Variants in PAPSS2 observed in about 807,000 individuals in gnomAD.
PAPSS2 encodes the protein bifunctional 3'-phosphoadenosine 5'-phosphosulfate synthase 2.
A neutral mutation model predicts 66.5 loss-of-function variants in PAPSS2; 61 were observed. The observed-to-expected ratio is 0.92, with a 90% CI of 0.75 to 1.14. The LOEUF is 1.14. Ranked by LOEUF, PAPSS2 falls within the 50% of genes most tolerant of loss-of-function variation. PAPSS2 has a pLI of 0.00. For synonymous variants in PAPSS2, 289 were observed against 287.5 expected (o/e 1.01, Z -0.05); for missense variants, 708 against 789.6 (o/e 0.90, Z 1.24).
chr10:87,711,362 G>A (rs79979840), intron 2 of PAPSS2, among the ~76,000 whole-genome samples: 3 of 152,234 alleles, frequency 2.0e-5, no homozygotes. Context: ...ATGTATGAAA[G>A]TACGTGTGCC....
chr10:87,708,042 C>T (rs1305730809), intron 1 of PAPSS2, among the ~76,000 whole-genome samples: 2 of 152,138 alleles, frequency 1.3e-5, no homozygotes, highest in African/African-American at 4.8e-5. Context: ...AGTTCCTAAC[C>T]TTTTAATTTA....
At chr10:87,744,751 T>C (rs1220110896) in intron 11 of PAPSS2, among the ~76,000 whole-genome samples, 1 of 152,168 alleles carries the variant, frequency 6.6e-6, no homozygotes, top group African/African-American at 2.4e-5. Flanking sequence ...GGCTAGCCTG[T>C]TTGGAGAAGA....
At chr10:87,727,960 C>T (rs184222633) in intron 9 of PAPSS2, among the ~76,000 whole-genome samples, 433 of 152,262 alleles carry the variant, frequency 2.8e-3, no homozygotes, top group Admixed American at 6.9e-3. Flanking sequence ...CAATGATACT[C>T]TCTTAGTAAA....
intron 1 of PAPSS2, among the ~76,000 whole-genome samples, chr10:87,707,043 C>G (rs1391607323): frequency 3.9e-5 from 6 of 152,268 alleles, no homozygotes; most frequent in Middle Eastern, 3.4e-3. Context: ...TGCCTTTAAC[C>G]ACCTTCCTCT....
At chr10:87,724,770 T>C (rs1474916293) in intron 8 of PAPSS2, among the ~76,000 whole-genome samples, 1 of 150,150 alleles carries the variant, frequency 6.7e-6, no homozygotes, top group East Asian at 1.9e-4. Context: ...CTGATATATA[T>C]CTGAATAGAT....
intron 1 of PAPSS2, among the ~76,000 whole-genome samples, chr10:87,706,108 A>ATGTGTGTGTGTGTGTGTGTGTG (rs150079044): frequency 2.5e-4 from 13 of 52,000 alleles, no homozygotes; most frequent in South Asian, 6.9e-4. Context: ...ATATATATAT[A>ATGTGTGTGTGTGTGTGTGTGTG]TGTGTGTGTG....
At chr10:87,713,974 C>T in intron 3 of PAPSS2, 70 bp from the exon 4 acceptor site, 1 of 1,544,274 alleles carries the variant, frequency 6.5e-7, no homozygotes, top group Non-Finnish European at 8.9e-7. Flanking sequence ...AACCAAAGTA[C>T]ACAGTGTTTT....
intron 8 of PAPSS2, among the ~76,000 whole-genome samples, chr10:87,723,132 T>C (rs1404811002): frequency 1.3e-5 from 2 of 152,222 alleles, no homozygotes; most frequent in African/African-American, 2.4e-5. Flanking sequence ...CTCCACATTT[T>C]GCTTTGCATT....
At chr10:87,670,135 A>G (rs1314736570) in intron 1 of PAPSS2, among the ~76,000 whole-genome samples, 1 of 152,218 alleles carries the variant, frequency 6.6e-6, no homozygotes, top group African/African-American at 2.4e-5. Context: ...AATAAATTTT[A>G]TTTGTTCTCA....
intron 9 of PAPSS2, among the ~76,000 whole-genome samples, chr10:87,733,281 T>C (rs1451133815): frequency 1.3e-5 from 2 of 152,208 alleles, no homozygotes; most frequent in African/African-American, 2.4e-5. Context: ...AGCCCTCTCT[T>C]TGGCATCACT....
At chr10:87,738,417 A>ATGTGTG (rs58521119) in intron 9 of PAPSS2, among the ~76,000 whole-genome samples, 1 of 94,032 alleles carries the variant, frequency 1.1e-5, no homozygotes, top group Non-Finnish European at 2.8e-5. Flanking sequence ...GTGTGTGTGT[A>ATGTGTG]TGTGTGTGTG....
intron 1 of PAPSS2, among the ~76,000 whole-genome samples, chr10:87,682,120 G>A (rs555611948): frequency 2.4e-4 from 37 of 152,274 alleles, no homozygotes; most frequent in African/African-American, 8.9e-4. Flanking sequence ...TGAAAAAATA[G>A]AATACGAAGG....
chr10:87,714,206 C>T, intron 4 of PAPSS2, 24 bp downstream of exon 4: 1 of 1,609,466 alleles, frequency 6.2e-7, no homozygotes, highest in Non-Finnish European at 8.5e-7. Context: ...CTAGTAGCGT[C>T]TACCAGTTAC....
chr10:87,730,717 G>A (rs1853718123), intron 9 of PAPSS2, among the ~76,000 whole-genome samples: 1 of 152,204 alleles, frequency 6.6e-6, no homozygotes, highest in Non-Finnish European at 1.5e-5. Context: ...TATGGAGAAG[G>A]TTTGAGTGGT....
Position 87,714,139 on chromosome 10 carries a change from C to G in PAPSS2, c.477C>G (p.Asp159Glu). 1 of 1,613,770 alleles carries G rather than the reference C, an allele frequency of 6.2e-7. No individual in the cohort carries two copies. Among genetic ancestry groups the G allele is most frequent in the Non-Finnish European group, 8.5e-7 (1 of 1,179,858 alleles). The stretch of plus-strand genomic sequence containing the variant: ...CTCTAAATATTTGTGAAAGCAGAGA[C>G]GTAAAAGGCCTCTATAAAAGGGCCA... The part of the protein sequence containing the change: ...DAPLNICESR[D>E]VKGLYKRARA... The change falls in exon 4 of 13, where the codon GAC becomes GAG. Residue 159 changes from aspartate (D) to glutamate (E), a missense_variant. Asp to Glu is a conservative substitution (Grantham distance 45). Transcript: ENST00000456849.
intron 1 of PAPSS2, among the ~76,000 whole-genome samples, chr10:87,663,690 C>T (rs1350293210): frequency 3.9e-5 from 6 of 152,096 alleles, no homozygotes; most frequent in African/African-American, 1.4e-4. Context: ...ACTGCTCTGG[C>T]CCAAAGTTTT....
intron 1 of PAPSS2, among the ~76,000 whole-genome samples, chr10:87,695,489 A>G (rs185084873): frequency 1.3e-5 from 2 of 152,348 alleles, no homozygotes; most frequent in Admixed American, 1.3e-4. Flanking sequence ...GAGGACCCGC[A>G]ACAAGTTCTG....
Position 87,715,765 on chromosome 10 carries a change from G to C in PAPSS2, c.787G>C (p.Gly263Arg). ...DLQWVQVLSEGWATPLKGFMR... is the reference protein window; with the variant it reads ...DLQWVQVLSERWATPLKGFMR... ...CCAGTGGGTCCAGGTTTTGAGCGAAGGCTGGGCCACTCCCCTCAAAGGTTT... is the reference window on the plus strand; with the variant it reads ...CCAGTGGGTCCAGGTTTTGAGCGAACGCTGGGCCACTCCCCTCAAAGGTTT... The change falls in exon 7 of 13, where the codon GGC (glycine) becomes CGC (arginine). Residue 263 changes from glycine to arginine, a missense_variant. Transcript: ENST00000456849. 1 of 1,613,834 alleles carries C rather than the reference G, an allele frequency of 6.2e-7. No homozygotes were observed. The highest frequency in any genetic ancestry group is 8.5e-7 in the Non-Finnish European group (1 of 1,179,726).
chr10:87,676,844 G>A (rs1351332716), intron 1 of PAPSS2, among the ~76,000 whole-genome samples: 1 of 111,420 alleles, frequency 9.0e-6, no homozygotes, highest in Non-Finnish European at 1.7e-5. Flanking sequence ...TTGTACTCCA[G>A]TCTGGATGAC....
Sources: allele counts gnomAD v4.1 joint callset (sites outside exome capture counted in the v4.1 genomes callset), GRCh38; gene constraint gnomAD v4.1.1; transcripts MANE v1.5; gene names NCBI Gene and HGNC (gene_info 2026-07-23, HGNC 2026-07-21).